The following KLF12 variants were observed in gnomAD, a reference collection of about 807,000 sequenced individuals.
The protein encoded by KLF12 is Krueppel-like factor 12.
KLF12 carries 9 observed loss-of-function variants against 37.8 expected under a neutral mutation model. That is an observed-to-expected ratio of 0.24 (90% CI 0.14 to 0.42). The LOEUF (loss-of-function observed/expected upper bound fraction) is 0.42. KLF12 is among the 10% of genes least tolerant of loss of function. The pLI is 1.00. For synonymous variants in KLF12, 208 were observed against 202.1 expected (o/e 1.03, Z -0.25); for missense variants, 411 against 516.0 (o/e 0.80, Z 1.97).
At chr13:74,267,764 T>C in the KLF12 span, among the ~76,000 whole-genome samples, 1 of 152,138 alleles carries the variant, frequency 6.6e-6, no homozygotes, top group Non-Finnish European at 1.5e-5. Context: ...ATGATAAATG[T>C]TTTAGGTGAT....
intron 1 of KLF12, among the ~76,000 whole-genome samples, chr13:74,022,652 G>A (rs1422823969): frequency 1.5e-5 from 2 of 131,178 alleles, no homozygotes; most frequent in Non-Finnish European, 3.2e-5. Context: ...GAAAATAGGA[G>A]GGAAAAGGGT....
At chr13:73,799,934 A>G (rs951583572) in intron 5 of KLF12, 7 of 152,160 alleles carry the variant, frequency 4.6e-5, no homozygotes, top group African/African-American at 1.7e-4. Context: ...ATGAAATTTT[A>G]GCTCAAAGAT....
intron 5 of KLF12, among the ~76,000 whole-genome samples, chr13:73,775,214 G>A (rs943443518): frequency 4.0e-5 from 6 of 151,884 alleles, no homozygotes; most frequent in Admixed American, 6.6e-5. Flanking sequence ...CACTGTGCCC[G>A]GCCTATCACT....
At chr13:74,188,704 A>G in the KLF12 span, among the ~76,000 whole-genome samples, 1 of 152,130 alleles carries the variant, frequency 6.6e-6, no homozygotes. Context: ...CAGCTTAAAA[A>G]CAAAGAGTGG....
chr13:74,224,061 T>A, the KLF12 span, among the ~76,000 whole-genome samples: 1 of 152,174 alleles, frequency 6.6e-6, no homozygotes, highest in Non-Finnish European at 1.5e-5. Context: ...AAAAACAAAA[T>A]CTTCCCTAGT....
chr13:73,869,638 T>G (rs529248280), intron 3 of KLF12, among the ~76,000 whole-genome samples: 1 of 151,866 alleles, frequency 6.6e-6, no homozygotes, highest in Non-Finnish European at 1.5e-5. Flanking sequence ...TCTATAACAG[T>G]TATATGCTGA....
chr13:73,813,006 G>A (rs188965058), intron 5 of KLF12, 146 bp downstream of exon 5: 139 of 773,864 alleles, frequency 1.8e-4, no homozygotes, highest in African/African-American at 1.5e-3. Context: ...ATCTCCCAAA[G>A]AGCATTCAGC....
At chr13:73,927,674 T>A (rs1183796696) in intron 3 of KLF12, among the ~76,000 whole-genome samples, 2 of 150,450 alleles carry the variant, frequency 1.3e-5, no homozygotes, top group Non-Finnish European at 3.0e-5. Context: ...CCTCCTGGAG[T>A]TCAAGCAATT....
chr13:73,881,894 T>C (rs1276650131), intron 3 of KLF12, among the ~76,000 whole-genome samples: 3 of 152,186 alleles, frequency 2.0e-5, no homozygotes, highest in Admixed American at 6.5e-5. Flanking sequence ...CATTATGTTC[T>C]CTATATAACG....
the KLF12 span, among the ~76,000 whole-genome samples, chr13:74,180,233 T>A: frequency 1.3e-5 from 2 of 152,180 alleles, no homozygotes; most frequent in Non-Finnish European, 2.9e-5. Context: ...CCTTAACAAA[T>A]TGAAAAAAGG....
At chr13:73,792,688 G>A (rs960311050) in intron 5 of KLF12, among the ~76,000 whole-genome samples, 1 of 151,988 alleles carries the variant, frequency 6.6e-6, no homozygotes, top group African/African-American at 2.4e-5. Context: ...TCACTGAGCT[G>A]TACACTTAAG....
At chr13:73,765,883 GA>G (rs957259447) in intron 5 of KLF12, among the ~76,000 whole-genome samples, 2 of 151,578 alleles carry the variant, frequency 1.3e-5, no homozygotes, top group Non-Finnish European at 2.9e-5. Context: ...TTATTTACAA[GA>G]AAAAAAATGG....
intron 1 of KLF12, among the ~76,000 whole-genome samples, chr13:74,025,060 G>A (rs1593838966): frequency 6.6e-6 from 1 of 152,094 alleles, no homozygotes; most frequent in East Asian, 1.9e-4. Context: ...ACTCATTCAG[G>A]TAACAATGTA....
chr13:74,167,154 T>C, the KLF12 span, among the ~76,000 whole-genome samples: 1 of 152,274 alleles, frequency 6.6e-6, no homozygotes, highest in Non-Finnish European at 1.5e-5. Context: ...TATTTTCATT[T>C]TATTCTTTGC....
intron 1 of KLF12, among the ~76,000 whole-genome samples, chr13:74,057,900 A>C (rs1366039555): frequency 6.6e-6 from 1 of 152,082 alleles, no homozygotes; most frequent in Non-Finnish European, 1.5e-5. Flanking sequence ...GAAAACAGAG[A>C]TAGAGACTTG....
intron 2 of KLF12, among the ~76,000 whole-genome samples, chr13:73,973,746 A>G (rs751232685): frequency 8.5e-5 from 13 of 152,130 alleles, no homozygotes; most frequent in Non-Finnish European, 1.5e-4. Context: ...GAAATGAAAG[A>G]AAGAGAAGGA....
At chr13:73,918,059 C>A (rs1199867530) in intron 3 of KLF12, among the ~76,000 whole-genome samples, 1 of 148,606 alleles carries the variant, frequency 6.7e-6, no homozygotes, top group Non-Finnish European at 1.5e-5. Flanking sequence ...TATATACAAA[C>A]AAATATATAC....
intron 1 of KLF12, among the ~76,000 whole-genome samples, chr13:74,112,424 TTTTGA>T (rs1369131216): frequency 1.4e-5 from 2 of 146,152 alleles, no homozygotes; most frequent in East Asian, 2.0e-4. Context: ...GTGTGTTTTG[TTTTGA>T]TTTGTTTTTT....
At chr13:74,115,118 AAGTT>A (rs1877215084) in intron 1 of KLF12, among the ~76,000 whole-genome samples, 2 of 152,262 alleles carry the variant, frequency 1.3e-5, no homozygotes, top group Admixed American at 6.5e-5. Context: ...CAAATTAACA[AAGTT>A]AGTTATCCCC....
Sources: gnomAD v4.1 joint callset for allele counts (sites outside exome capture counted in the v4.1 genomes callset) on GRCh38, gnomAD v4.1.1 for gene constraint, MANE v1.5 for transcripts, NCBI Gene and HGNC (gene_info 2026-07-23, HGNC 2026-07-21) for gene names.